The following TUSC3 variants were observed in gnomAD, a reference collection of about 807,000 sequenced individuals.
The protein encoded by TUSC3 is tumor suppressor candidate 3.
A neutral mutation model predicts 44.8 loss-of-function variants in TUSC3; 45 were observed. The observed-to-expected ratio is 1.00, with a 90% confidence interval of 0.79 to 1.29. The LOEUF is 1.29. TUSC3 is among the 50% of genes most tolerant of loss of function. The pLI, the probability that TUSC3 is intolerant of heterozygous loss-of-function variation, is 0.00. For synonymous variants in TUSC3, 212 were observed against 152.9 expected, an observed-to-expected ratio of 1.39 and a Z score of -2.85; for missense variants, 519 against 437.9, an observed-to-expected ratio of 1.19 and a Z score of -1.65.
At chr8:15,554,494 C>G (rs910914801) in intron 1 of TUSC3, among the ~76,000 whole-genome samples, 1 of 151,002 alleles carries the variant, frequency 6.6e-6, no homozygotes, top group East Asian at 2.0e-4. Context: ...AAGAAATGTA[C>G]TTTTATTTAT....
At chr8:15,809,526 C>G in the TUSC3 span, among the ~76,000 whole-genome samples, 1 of 152,148 alleles carries the variant, frequency 6.6e-6, no homozygotes, top group African/African-American at 2.4e-5. Context: ...TAGATTGTAT[C>G]TAGTCCTATA....
intron 7 of TUSC3, among the ~76,000 whole-genome samples, chr8:15,741,532 A>G (rs1811197293): frequency 6.6e-6 from 1 of 152,120 alleles, no homozygotes; most frequent in African/African-American, 2.4e-5. Flanking sequence ...CTAAAATACT[A>G]AAGTTGTCCG....
chr8:15,705,261 GA>G (rs1563182224), intron 6 of TUSC3, among the ~76,000 whole-genome samples: 1 of 151,792 alleles, frequency 6.6e-6, no homozygotes, highest in African/African-American at 2.4e-5. Context: ...TTCTTATGAT[GA>G]GTGGAGTTTC....
At chr8:15,578,412 TC>T (rs1470690209) in intron 1 of TUSC3, among the ~76,000 whole-genome samples, 2 of 119,200 alleles carry the variant, frequency 1.7e-5, no homozygotes. Context: ...AGGGAATGCT[TC>T]CAGTTTTTGC....
chr8:15,754,521 G>C (rs550442010), intron 9 of TUSC3, among the ~76,000 whole-genome samples: 130 of 152,160 alleles, frequency 8.5e-4, no homozygotes, highest in African/African-American at 3.1e-3. Context: ...CTGTACTTGG[G>C]ATAAGACACT....
At chr8:15,588,594 C>G (rs1221632036) in intron 1 of TUSC3, among the ~76,000 whole-genome samples, 2 of 151,972 alleles carry the variant, frequency 1.3e-5, no homozygotes, top group East Asian at 3.9e-4. Context: ...TTTTTGTTGT[C>G]TGTGCTTTTG....
At chr8:15,451,864 A>G (rs1265293481) in intron 1 of TUSC3, among the ~76,000 whole-genome samples, 2 of 152,136 alleles carry the variant, frequency 1.3e-5, no homozygotes, top group African/African-American at 2.4e-5. Context: ...TGTGGGGGAA[A>G]AAAATCCCCA....
intron 2 of TUSC3, among the ~76,000 whole-genome samples, chr8:15,520,203 A>G (rs1801278584): frequency 6.6e-6 from 1 of 152,236 alleles, no homozygotes. Context: ...ACTGAGAAAG[A>G]GGAAAAAAGA....
the TUSC3 span, among the ~76,000 whole-genome samples, chr8:15,788,779 T>C: frequency 6.6e-6 from 1 of 152,174 alleles, no homozygotes; most frequent in African/African-American, 2.4e-5. Context: ...TTAATGGCAC[T>C]GAGAGATGCT....
intron 5 of TUSC3, among the ~76,000 whole-genome samples, chr8:15,670,651 G>T (rs987229418): frequency 9.9e-5 from 15 of 151,824 alleles, no homozygotes; most frequent in Non-Finnish European, 2.1e-4. Flanking sequence ...CAGAACATAA[G>T]AAGTGGTAAC....
intron 2 of TUSC3, among the ~76,000 whole-genome samples, chr8:15,508,542 A>T (rs1286128803): frequency 7.5e-6 from 1 of 133,804 alleles, no homozygotes; most frequent in Non-Finnish European, 1.5e-5. Flanking sequence ...GCTCAGTGCA[A>T]GCTCCGCCTC....
At position 15,725,981 on chromosome 8, in the gene TUSC3, T is replaced by A. The variant is rs140518500; in HGVS notation, c.799-4685T>A. On this transcript the variant is annotated intron_variant, in intron 6 of 10. Coordinates refer to ENST00000503731, the MANE Select transcript of TUSC3 (RefSeq NM_006765.4). ...ACTGGAAACTGACTTCTAAGTTTAG[T>A]TTGCTTTTTGTTACCCTAGCTCTCT... 1.5e-4 allele frequency among the ~76,000 whole-genome samples: 23 copies of A among 152,318 alleles called. No homozygotes were observed. In the East Asian group the frequency reaches 4.2e-3, roughly 28 times the overall value.
intron 6 of TUSC3, 94 bp downstream of exon 6, chr8:15,673,930 C>G (rs906766113): frequency 1.1e-5 from 12 of 1,095,432 alleles, no homozygotes; most frequent in Non-Finnish European, 1.2e-5. Context: ...GGAAAAGATT[C>G]TGTTTGTCAG....
chr8:15,768,732 C>T (rs1302094821), downstream of TUSC3, among the ~76,000 whole-genome samples: 1 of 152,172 alleles, frequency 6.6e-6, no homozygotes, highest in Non-Finnish European at 1.5e-5. Context: ...TGATAAGCAA[C>T]TTCAGAAAAG....
intron 1 of TUSC3, among the ~76,000 whole-genome samples, chr8:15,563,798 G>T (rs140046896): frequency 1.3e-5 from 2 of 151,530 alleles, no homozygotes; most frequent in Non-Finnish European, 2.9e-5. Flanking sequence ...TGAGAAAATA[G>T]TTATTCATAA....
At chr8:15,523,662 A>ATG (rs1452859204) in intron 2 of TUSC3, among the ~76,000 whole-genome samples, 1 of 21,894 alleles carries the variant, frequency 4.6e-5, no homozygotes, top group African/African-American at 1.9e-4. Context: ...ATATATATAT[A>ATG]TATGTGTGTG....
At chr8:15,533,815 G>A (rs1485938429) in intron 2 of TUSC3, among the ~76,000 whole-genome samples, 1 of 152,172 alleles carries the variant, frequency 6.6e-6, no homozygotes, top group Non-Finnish European at 1.5e-5. Flanking sequence ...TCTCTGGCCA[G>A]ATGGGAGGTT....
the TUSC3 span, among the ~76,000 whole-genome samples, chr8:15,819,667 A>G: frequency 6.6e-6 from 1 of 152,230 alleles, no homozygotes; most frequent in South Asian, 2.1e-4. Context: ...ATATAGAATT[A>G]AAAGTTAATG....
At chr8:15,728,132 T>C (rs2721240) in intron 6 of TUSC3, among the ~76,000 whole-genome samples, 100,315 of 152,044 alleles carry the variant, frequency 0.66, 33,518 homozygotes, top group East Asian at 0.78. Flanking sequence ...TGACTGGAAA[T>C]ACAAAATGCA....
Sources: gnomAD v4.1 joint callset for allele counts (sites outside exome capture counted in the v4.1 genomes callset) on GRCh38, gnomAD v4.1.1 for gene constraint, MANE v1.5 for transcripts, NCBI Gene and HGNC (gene_info 2026-07-23, HGNC 2026-07-21) for gene names.